Variants in FUT8 observed in about 807,000 individuals in gnomAD.
FUT8 encodes fucosyltransferase 8.
In FUT8, 29 loss-of-function variants were observed where a neutral mutation model predicts 71.3. That is an observed-to-expected ratio of 0.41 (90% CI 0.30 to 0.55). The LOEUF (loss-of-function observed/expected upper bound fraction) is 0.55, where lower values mean the gene tolerates loss of function less well. Ranked by LOEUF, FUT8 falls within the 20% of genes least tolerant of loss-of-function variation. The pLI is 0.34. For missense variants in FUT8, 544 were observed against 702.1 expected, an observed-to-expected ratio of 0.77 and a Z score of 2.55; for synonymous variants, 254 against 239.3, an observed-to-expected ratio of 1.06 and a Z score of -0.57.
intron 3 of FUT8, among the ~76,000 whole-genome samples, chr14:65,599,204 A>C (rs1053223484): frequency 6.6e-6 from 1 of 152,168 alleles, no homozygotes; most frequent in African/African-American, 2.4e-5. Context: ...CTTTAAAGTA[A>C]ACAAAAAAAA....
intron 2 of FUT8, among the ~76,000 whole-genome samples, chr14:65,556,472 G>A (rs9972109): frequency 0.068 from 10,306 of 152,210 alleles, 629 homozygotes; most frequent in South Asian, 0.19. Context: ...GGGCCTCTCA[G>A]CATGATGGCT....
intron 7 of FUT8, among the ~76,000 whole-genome samples, chr14:65,711,165 G>T (rs541214158): frequency 6.6e-6 from 1 of 152,280 alleles, no homozygotes; most frequent in East Asian, 1.9e-4. Context: ...TAACAGTAAT[G>T]ATCACTAAAT....
chr14:65,706,863 T>C (rs891127758), intron 7 of FUT8, among the ~76,000 whole-genome samples: 3 of 152,168 alleles, frequency 2.0e-5, no homozygotes, highest in African/African-American at 7.2e-5. Context: ...TTGAAAATGT[T>C]CCTGAAATAA....
chr14:65,700,979 T>C (rs1566905021), intron 7 of FUT8, among the ~76,000 whole-genome samples: 1 of 152,226 alleles, frequency 6.6e-6, no homozygotes, highest in Non-Finnish European at 1.5e-5. Flanking sequence ...AACTTAGTGA[T>C]CTGTTGAATT....
chr14:65,604,013 C>T (rs61987992), intron 3 of FUT8, among the ~76,000 whole-genome samples: 102,685 of 150,308 alleles, frequency 0.68, 35,502 homozygotes, highest in East Asian at 0.82. Context: ...AAGGCCTTGT[C>T]CAACAAGGCC....
chr14:65,521,305 T>A (rs911366056), intron 2 of FUT8, among the ~76,000 whole-genome samples: 1 of 152,194 alleles, frequency 6.6e-6, no homozygotes, highest in Non-Finnish European at 1.5e-5. Context: ...TATTTTAAAT[T>A]GTTACATAAA....
rs555473636 is a variant in FUT8 at position 65,643,640 on chromosome 14, C to T, written c.597+14034C>T. Among the ~76,000 whole-genome samples the T allele has an allele frequency of 9.4e-4, 123 of 130,888 alleles. No individual in the cohort carries two copies. The highest frequency in any genetic ancestry group is 3.2e-3 in the African/African-American group (112 of 34,876). 85.9% of individuals were successfully genotyped at this position (130,888 alleles called of 152,430 possible). On this transcript the variant is annotated intron_variant, in intron 6 of 10. Transcript: ENST00000673929. The surrounding 1 kb of genome is among the most constrained non-coding windows in gnomAD (Gnocchi z 4.5). ...CTGCACTGCAGCCTGGGCGACAGAG[C>T]GAGACTCCGTCTTTAAAAAAAAAAT...
At position 65,447,310 on chromosome 14, in the gene FUT8, CA is replaced by C. The variant is rs1010544338; in HGVS notation, c.-325-8307del. On this transcript the variant is annotated intron_variant, in intron 1 of 10. Transcript: ENST00000673929. ...CTCTCTCAAAAAAAAAAAAAAAACC[CA>C]AAAGAAAGTAAATTTTGTTTGAGTT... is the stretch of plus-strand genomic sequence containing the variant. Among the ~76,000 whole-genome samples the C allele has an allele frequency of 1.3e-3, 197 of 150,684 alleles. 2 individuals are homozygous for C. Among genetic ancestry groups the C allele is most frequent in the Non-Finnish European group, 4.9e-4 (33 of 67,644 alleles).
Position 65,477,616 on chromosome 14 carries a change from A to T in FUT8, c.-228+21898A>T, listed in dbSNP as rs562649503. Among the ~76,000 whole-genome samples the T allele has an allele frequency of 3.3e-5, 5 of 150,640 alleles. No individual in the cohort carries two copies. In the South Asian group the frequency reaches 6.3e-4, roughly 19 times the overall value. ...TAATCAAGTGACTACAGCTTTGCTA[A>T]TTTTTTTTTTGAAAAACCCTAATAT... On this transcript the variant is annotated intron_variant, in intron 2 of 10. Coordinates refer to ENST00000673929, the MANE Select transcript of FUT8 (RefSeq NM_001371533.1).
At chr14:65,485,248 A>G (rs1021230326) in intron 2 of FUT8, among the ~76,000 whole-genome samples, 3 of 152,110 alleles carry the variant, frequency 2.0e-5, no homozygotes, top group Non-Finnish European at 4.4e-5. Context: ...TGATTGCTTT[A>G]TTCATGTTTT....
intron 1 of FUT8, among the ~76,000 whole-genome samples, chr14:65,427,019 C>T (rs574796519): frequency 6.6e-4 from 101 of 152,066 alleles, no homozygotes; most frequent in Non-Finnish European, 1.1e-3. Context: ...CTACCATGCC[C>T]GGCTAATTTT....
chr14:65,434,567 A>T (rs1413627961), intron 1 of FUT8, among the ~76,000 whole-genome samples: 1 of 152,270 alleles, frequency 6.6e-6, no homozygotes, highest in Non-Finnish European at 1.5e-5. Flanking sequence ...CAGAAGAAAG[A>T]AAAGGCAATA....
At chr14:65,532,090 A>C (rs540567944) in intron 2 of FUT8, among the ~76,000 whole-genome samples, 1 of 152,270 alleles carries the variant, frequency 6.6e-6, no homozygotes. Flanking sequence ...GTAGGCATGC[A>C]TGTGTCTTTA....
chr14:65,462,222 G>C (rs2065978990), intron 2 of FUT8, among the ~76,000 whole-genome samples: 1 of 152,210 alleles, frequency 6.6e-6, no homozygotes, highest in Admixed American at 6.5e-5. Context: ...TCTAACTTGT[G>C]AATGTAGCTT....
intron 7 of FUT8, among the ~76,000 whole-genome samples, chr14:65,689,995 C>A (rs535675259): frequency 6.6e-6 from 1 of 152,356 alleles, no homozygotes; most frequent in South Asian, 2.1e-4. Flanking sequence ...TTGCATTTTA[C>A]ATTTAGGTCT....
chr14:65,667,165 C>A (rs976865273), intron 6 of FUT8, among the ~76,000 whole-genome samples: 1 of 152,056 alleles, frequency 6.6e-6, no homozygotes. Flanking sequence ...AAAGTCCTAG[C>A]CAGAGCAGAC....
intron 2 of FUT8, among the ~76,000 whole-genome samples, chr14:65,506,408 T>C (rs2066735368): frequency 6.6e-6 from 1 of 152,226 alleles, no homozygotes; most frequent in Non-Finnish European, 1.5e-5. Flanking sequence ...TTGATAAAGG[T>C]TAATTCCATG....
At chr14:65,553,711 G>A (rs1041486096) in intron 2 of FUT8, among the ~76,000 whole-genome samples, 9 of 150,436 alleles carry the variant, frequency 6.0e-5, no homozygotes, top group South Asian at 2.1e-4. Context: ...CTCAGTTGCC[G>A]TTTTTCCCCC....
chr14:65,402,188 GGA>G, the FUT8 span, among the ~76,000 whole-genome samples: 1 of 141,618 alleles, frequency 7.1e-6, no homozygotes, highest in Non-Finnish European at 1.5e-5. Flanking sequence ...CCCAAAAGAT[GGA>G]GTGTGATTTT....
Sources: gnomAD v4.1 joint callset for allele counts (sites outside exome capture counted in the v4.1 genomes callset) on GRCh38, gnomAD v4.1.1 for gene constraint, Gnocchi (gnomAD v3.1) non-coding constraint, MANE v1.5 for transcripts, NCBI Gene and HGNC (gene_info 2026-07-23, HGNC 2026-07-21) for gene names.